The following PAPSS2 variants were observed in gnomAD, a reference collection of about 807,000 sequenced individuals.
The protein encoded by PAPSS2 is 3'-phosphoadenosine 5'-phosphosulfate synthase 2.
In PAPSS2, 61 loss-of-function variants were observed where a neutral mutation model predicts 66.5. The observed-to-expected ratio is 0.92, with a 90% CI of 0.75 to 1.14. PAPSS2 has a LOEUF of 1.14. PAPSS2 is among the 50% of genes most tolerant of loss of function. The pLI is 0.00. For missense variants in PAPSS2, 708 were observed against 789.6 expected (o/e 0.90, Z 1.24); for synonymous variants, 289 against 287.5 (o/e 1.01, Z -0.05).
intron 1 of PAPSS2, among the ~76,000 whole-genome samples, chr10:87,707,752 C>T (rs577492711): frequency 3.3e-5 from 5 of 151,296 alleles, no homozygotes; most frequent in Admixed American, 6.6e-5. Context: ...TTTTATTTTT[C>T]ATAGAGATGA....
At chr10:87,703,136 C>T (rs1304219293) in intron 1 of PAPSS2, among the ~76,000 whole-genome samples, 3 of 152,142 alleles carry the variant, frequency 2.0e-5, no homozygotes, top group African/African-American at 7.2e-5. Flanking sequence ...ATCTAGGTAA[C>T]GAAGTGTTCA....
In PAPSS2 at chr10:87,719,966, A is replaced by G. The variant is rs549783201; in HGVS notation, c.866-1790A>G. ...AGTGGCGCGATCTCTGCTCACTGCA[A>G]CCTCTGCCTCCTGGGTTCAAGCAAT... On this transcript the variant is annotated intron_variant, in intron 7 of 12. Coordinates refer to ENST00000456849, the MANE Select transcript of PAPSS2 (RefSeq NM_001015880.2). Among the ~76,000 whole-genome samples the G allele has an allele frequency of 1.4e-4, 22 of 151,984 alleles. No homozygotes were observed. In the South Asian group the frequency reaches 4.6e-3, roughly 32 times the overall value.
intron 3 of PAPSS2, 28 bp downstream of exon 3, chr10:87,713,338 A>C (rs752060273): frequency 2.3e-5 from 27 of 1,174,392 alleles, no homozygotes; most frequent in Non-Finnish European, 3.1e-5. Flanking sequence ...AAAAAAAGGC[A>C]CTACACACGA....
intron 1 of PAPSS2, chr10:87,704,062 C>T (rs753449561): frequency 6.1e-6 from 3 of 491,784 alleles, no homozygotes; most frequent in African/African-American, 3.9e-5. Context: ...GCCACTCTGC[C>T]CCCTTGCAGT....
At chr10:87,694,251 C>A (rs1853205589) in intron 1 of PAPSS2, among the ~76,000 whole-genome samples, 1 of 152,232 alleles carries the variant, frequency 6.6e-6, no homozygotes, top group African/African-American at 2.4e-5. Flanking sequence ...ATTACTTCCT[C>A]TTAGCTGGAT....
chr10:87,730,962 T>TCTAG (rs1205317971), intron 9 of PAPSS2, among the ~76,000 whole-genome samples: 1 of 152,166 alleles, frequency 6.6e-6, no homozygotes, highest in Non-Finnish European at 1.5e-5. Context: ...ACCCAGAAGA[T>TCTAG]CTAGCTAAGA....
chr10:87,698,966 A>C (rs1037933658), intron 1 of PAPSS2, among the ~76,000 whole-genome samples: 1 of 152,232 alleles, frequency 6.6e-6, no homozygotes, highest in Non-Finnish European at 1.5e-5. Context: ...ATTGGAATTG[A>C]ACCTTAAATG....
chr10:87,679,434 G>A (rs1254660962), intron 1 of PAPSS2, among the ~76,000 whole-genome samples: 1 of 152,112 alleles, frequency 6.6e-6, no homozygotes, highest in African/African-American at 2.4e-5. Flanking sequence ...AGTGAGGACT[G>A]GAATTGTTCT....
chr10:87,682,918 G>T (rs1327808290), intron 1 of PAPSS2, among the ~76,000 whole-genome samples: 1 of 152,146 alleles, frequency 6.6e-6, no homozygotes, highest in Non-Finnish European at 1.5e-5. Flanking sequence ...AGCAAGGGAG[G>T]TTTTAAGTGG....
At chr10:87,698,745 T>G (rs1853266211) in intron 1 of PAPSS2, among the ~76,000 whole-genome samples, 1 of 152,166 alleles carries the variant, frequency 6.6e-6, no homozygotes, top group Non-Finnish European at 1.5e-5. Context: ...ACATGTTATC[T>G]CATGGAGGTG....
chr10:87,738,787 T>C (rs1433979780), intron 9 of PAPSS2, among the ~76,000 whole-genome samples: 1 of 152,228 alleles, frequency 6.6e-6, no homozygotes, highest in Non-Finnish European at 1.5e-5. Flanking sequence ...TCATAATTAA[T>C]GATGCTGAGC....
At chr10:87,678,681 A>T (rs1852979928) in intron 1 of PAPSS2, among the ~76,000 whole-genome samples, 1 of 152,208 alleles carries the variant, frequency 6.6e-6, no homozygotes, top group South Asian at 2.1e-4. Context: ...TATGTGAAAA[A>T]ATGCTCCACA....
In PAPSS2 at chr10:87,746,197, T is replaced by C; in HGVS notation, c.*227T>C. ...TTAGCAGGTAAAAGCAATATTCTTA[T>C]ACATTTCATAATAAAATTAGCTCTA... On this transcript the variant is annotated 3_prime_UTR_variant, in exon 13 of 13. Coordinates refer to ENST00000456849, the MANE Select transcript of PAPSS2 (RefSeq NM_001015880.2). 3.0e-6 allele frequency: 1 copy of C among 329,036 alleles called. No homozygotes were observed. Among genetic ancestry groups the C allele is most frequent in the Non-Finnish European group, 5.4e-6 (1 of 184,114 alleles). The allele number at this position is 329,036 out of a possible 1,614,324, so 20.4% of individuals were successfully genotyped here.
chr10:87,743,275 T>G, intron 10 of PAPSS2, 98 bp from the exon 11 acceptor site: 3 of 1,247,958 alleles, frequency 2.4e-6, no homozygotes, highest in Non-Finnish European at 3.5e-6. Context: ...GGATAATGAA[T>G]GCACAGAACA....
chr10:87,672,272 G>C (rs1852887395), intron 1 of PAPSS2, among the ~76,000 whole-genome samples: 1 of 152,086 alleles, frequency 6.6e-6, no homozygotes, highest in African/African-American at 2.4e-5. Flanking sequence ...TGGTATGAAG[G>C]GTTTCTTATT....
At chr10:87,713,339 C>G (rs1382944720) in intron 3 of PAPSS2, 29 bp downstream of exon 3, 1 of 819,228 alleles carries the variant, frequency 1.2e-6, no homozygotes, top group Admixed American at 2.3e-5. Context: ...AAAAAAGGCA[C>G]TACACACGAT....
At chr10:87,674,565 G>C (rs1008287041) in intron 1 of PAPSS2, among the ~76,000 whole-genome samples, 1 of 152,128 alleles carries the variant, frequency 6.6e-6, no homozygotes, top group Non-Finnish European at 1.5e-5. Flanking sequence ...TTGTGACTAT[G>C]TCACCAGTAG....
Position 87,713,064 on chromosome 10 carries a change from G to A in PAPSS2, c.146-11G>A. ...AGGCCGATGTCAGTCTGTTTTATCT[G>A]TTCTGAACAGGTCTCTCTGGTGCTG... On this transcript the variant is annotated splice_polypyrimidine_tract_variant and intron_variant, in intron 2 of 12. Transcript: ENST00000456849. 6.6e-7 allele frequency: 1 copy of A among 1,525,474 alleles called. No individual in the cohort carries two copies. Among genetic ancestry groups the A allele is most frequent in the Non-Finnish European group, 9.1e-7 (1 of 1,101,530 alleles). The allele number at this position is 1,525,474 out of a possible 1,614,324, so 94.5% of individuals were successfully genotyped here.
chr10:87,688,443 T>TTTTATTTTATTTA (rs541821509), intron 1 of PAPSS2, among the ~76,000 whole-genome samples: 5 of 138,080 alleles, frequency 3.6e-5, no homozygotes, highest in African/African-American at 8.5e-5. Context: ...TTCTTTTTTA[T>TTTTATTTTATTTA]TTTATTTATT....
Sources: gnomAD v4.1 joint callset for allele counts (sites outside exome capture counted in the v4.1 genomes callset) on GRCh38, gnomAD v4.1.1 for gene constraint, MANE v1.5 for transcripts, NCBI Gene and HGNC (gene_info 2026-07-23, HGNC 2026-07-21) for gene names.